The following PHACTR1 variants were observed in gnomAD, a reference collection of about 807,000 sequenced individuals.
PHACTR1 encodes the protein phosphatase and actin regulator 1.
A neutral mutation model predicts 69.2 loss-of-function variants in PHACTR1; 16 were observed. The ratio of observed to expected loss-of-function variants is 0.23; its 90% CI spans 0.16 to 0.35. The LOEUF (loss-of-function observed/expected upper bound fraction) is 0.35. PHACTR1 is among the 10% of genes least tolerant of loss of function. The pLI is 1.00. For synonymous variants in PHACTR1, 312 were observed against 284.5 expected, an observed-to-expected ratio of 1.10 and a Z score of -0.97; for missense variants, 510 against 734.7, an observed-to-expected ratio of 0.69 and a Z score of 3.54.
intron 12 of PHACTR1, among the ~76,000 whole-genome samples, chr6:13,279,128 T>A (rs976574123): frequency 1.1e-4 from 17 of 152,000 alleles, no homozygotes; most frequent in African/African-American, 4.1e-4. Flanking sequence ...ACTGACAAAT[T>A]TAAAGCAGAT....
chr6:12,830,785 G>A (rs1473598431), intron 4 of PHACTR1, among the ~76,000 whole-genome samples: 1 of 151,746 alleles, frequency 6.6e-6, no homozygotes, highest in Non-Finnish European at 1.5e-5. Context: ...TAGTAGAAAT[G>A]GGGTTTCATC....
At chr6:13,262,126 T>C (rs1775999979) in intron 10 of PHACTR1, among the ~76,000 whole-genome samples, 1 of 152,044 alleles carries the variant, frequency 6.6e-6, no homozygotes, top group African/African-American at 2.4e-5. Flanking sequence ...TGGCAGCAAC[T>C]GGGAGAGATG....
intron 4 of PHACTR1, among the ~76,000 whole-genome samples, chr6:12,768,226 T>C (rs1021212080): frequency 4.0e-5 from 6 of 148,902 alleles, no homozygotes; most frequent in African/African-American, 1.5e-4. Context: ...ACCATTCTCC[T>C]GCCTCAGCCT....
At chr6:12,910,771 A>T (rs1329620111) in intron 4 of PHACTR1, among the ~76,000 whole-genome samples, 2 of 152,178 alleles carry the variant, frequency 1.3e-5, no homozygotes, top group East Asian at 3.8e-4. Flanking sequence ...AGATGAGAAA[A>T]CTAAGGTGCA....
chr6:12,970,874 T>C (rs751413148), intron 4 of PHACTR1, among the ~76,000 whole-genome samples: 2 of 152,232 alleles, frequency 1.3e-5, no homozygotes, highest in Non-Finnish European at 2.9e-5. Flanking sequence ...GAATGAAAGA[T>C]GTTGATGCCA....
At chr6:12,948,049 G>C (rs141708774) in intron 4 of PHACTR1, among the ~76,000 whole-genome samples, 1 of 152,010 alleles carries the variant, frequency 6.6e-6, no homozygotes, top group Non-Finnish European at 1.5e-5. Flanking sequence ...TTGTAGTTGC[G>C]CCATGAACCT....
intron 3 of PHACTR1, among the ~76,000 whole-genome samples, chr6:12,729,827 AG>A (rs1422091404): frequency 6.6e-6 from 1 of 152,184 alleles, no homozygotes; most frequent in African/African-American, 2.4e-5. Flanking sequence ...AAAAGGGGAG[AG>A]GATTCTAGAA....
chr6:12,855,165 G>A (rs1251777626), intron 4 of PHACTR1, among the ~76,000 whole-genome samples: 1 of 152,158 alleles, frequency 6.6e-6, no homozygotes, highest in East Asian at 1.9e-4. Context: ...ACTGGATAAA[G>A]AAAATGTGGT....
intron 4 of PHACTR1, among the ~76,000 whole-genome samples, chr6:12,964,760 A>G (rs67061558): frequency 0.19 from 29,587 of 152,158 alleles, 3,192 homozygotes; most frequent in South Asian, 0.28. Context: ...TAATGATAAT[A>G]AATAATAATA....
At chr6:12,967,435 G>C (rs928982469) in intron 4 of PHACTR1, among the ~76,000 whole-genome samples, 2 of 152,206 alleles carry the variant, frequency 1.3e-5, no homozygotes, top group African/African-American at 4.8e-5. Flanking sequence ...TCCTACAAGG[G>C]AGTCTCTATT....
chr6:13,129,549 T>TA (rs986298828), intron 5 of PHACTR1, among the ~76,000 whole-genome samples: 2 of 150,514 alleles, frequency 1.3e-5, no homozygotes, highest in Admixed American at 6.6e-5. Flanking sequence ...CAACAACAGT[T>TA]AAAAAAAAAT....
At chr6:12,718,939 A>G in intron 3 of PHACTR1, 92 bp downstream of exon 3, 1 of 641,488 alleles carries the variant, frequency 1.6e-6, no homozygotes, top group South Asian at 3.0e-5. Flanking sequence ...CCTTGCTCTG[A>G]AAGTTTAATA....
intron 4 of PHACTR1, among the ~76,000 whole-genome samples, chr6:12,849,466 T>C (rs1013672415): frequency 2.7e-4 from 41 of 152,156 alleles, no homozygotes; most frequent in African/African-American, 9.9e-4. Flanking sequence ...GAGACATGAA[T>C]GATGGGTCTG....
chr6:12,794,709 C>G (rs919318586), intron 4 of PHACTR1, among the ~76,000 whole-genome samples: 4 of 152,208 alleles, frequency 2.6e-5, no homozygotes, highest in African/African-American at 9.6e-5. Flanking sequence ...CAGCATGTCT[C>G]AATTCATGCT....
chr6:13,107,906 TTTA>T (rs1447930631), intron 5 of PHACTR1, among the ~76,000 whole-genome samples: 1 of 152,092 alleles, frequency 6.6e-6, no homozygotes, highest in Non-Finnish European at 1.5e-5. Flanking sequence ...ATTTCTAGTC[TTTA>T]TTATTTCCTT....
chr6:12,837,386 T>G (rs1778269605), intron 4 of PHACTR1, among the ~76,000 whole-genome samples: 1 of 152,142 alleles, frequency 6.6e-6, no homozygotes, highest in Non-Finnish European at 1.5e-5. Context: ...ACCTCCTCAA[T>G]AATTCACTTT....
intron 10 of PHACTR1, among the ~76,000 whole-genome samples, chr6:13,241,717 G>A (rs1333205942): frequency 1.3e-5 from 2 of 151,962 alleles, no homozygotes; most frequent in Non-Finnish European, 2.9e-5. Context: ...TATCATGCTC[G>A]ACTCTTATTA....
At chr6:12,803,639 C>CT (rs1340425710) in intron 4 of PHACTR1, among the ~76,000 whole-genome samples, 2 of 152,176 alleles carry the variant, frequency 1.3e-5, no homozygotes, top group East Asian at 3.8e-4. Flanking sequence ...GCAACTATTT[C>CT]TTTTTTCTAA....
chr6:13,026,091 A>G (rs904454127), intron 4 of PHACTR1, among the ~76,000 whole-genome samples: 4 of 152,256 alleles, frequency 2.6e-5, no homozygotes, highest in Non-Finnish European at 4.4e-5. Flanking sequence ...ATAATTAGCC[A>G]TAATAAAATG....
Sources: allele counts gnomAD v4.1 joint callset (sites outside exome capture counted in the v4.1 genomes callset), GRCh38; gene constraint gnomAD v4.1.1; transcripts MANE v1.5; gene names NCBI Gene and HGNC (gene_info 2026-07-23, HGNC 2026-07-21).